TRAPPC10: variants seen among roughly 807,000 people sequenced by gnomAD.
TRAPPC10 encodes the protein trafficking protein particle complex subunit 10.
A neutral mutation model predicts 125.5 loss-of-function variants in TRAPPC10; 23 were observed. That is an observed-to-expected ratio of 0.18 (90% CI 0.13 to 0.26). TRAPPC10 has a LOEUF of 0.26. TRAPPC10 is among the 10% of genes least tolerant of loss of function. The pLI is 1.00. For missense variants in TRAPPC10, 1,123 were observed against 1,308.4 expected (o/e 0.86, Z 2.19); for synonymous variants, 509 against 518.0 (o/e 0.98, Z 0.24).
chr21:44,090,783 C>A (rs1168966057), intron 18 of TRAPPC10, among the ~76,000 whole-genome samples: 1 of 152,182 alleles, frequency 6.6e-6, no homozygotes, highest in Non-Finnish European at 1.5e-5. Flanking sequence ...ACGTCAGACC[C>A]ATGTTTAGAA....
In TRAPPC10 at chr21:44,087,839, G is replaced by A. The variant is rs1321238294; in HGVS notation, c.2680G>A (p.Glu894Lys). Reference protein sequence around the residue: ...SLPSAPALGGESDMLGMAEPH... With the variant: ...SLPSAPALGGKSDMLGMAEPH... ...ACCTTCAGCCCCAGCACTCGGAGGG[G>A]AGAGTGACATGCTGGGGATGGCAGA... The change falls in exon 17 of 23, where the codon GAG becomes AAG. Residue 894 changes from glutamate (E) to lysine (K), a missense_variant. Glu to Lys is a moderately conservative substitution (Grantham distance 56, BLOSUM62 1). Transcript: ENST00000291574. This position sits in a 1 kb window ranked among gnomAD's most constrained non-coding sequence, Gnocchi z 4.6. 1.2e-6 allele frequency: 2 copies of A among 1,614,130 alleles called. No individual in the cohort carries two copies. Among genetic ancestry groups the A allele is most frequent in the Non-Finnish European group, 1.7e-6 (2 of 1,180,054 alleles).
Position 44,087,940 on chromosome 21 carries a change from C to T in TRAPPC10, c.2769+12C>T. 1.2e-6 allele frequency: 2 copies of T among 1,604,726 alleles called. No individual in the cohort carries two copies. The highest frequency in any genetic ancestry group is 1.7e-6 in the Non-Finnish European group (2 of 1,174,244). On this transcript the variant is annotated intron_variant, in intron 17 of 22. Coordinates refer to ENST00000291574, the MANE Select transcript of TRAPPC10 (RefSeq NM_003274.5). This position sits in a 1 kb window ranked among gnomAD's most constrained non-coding sequence, Gnocchi z 4.6. ...CCACAGACCACAAAGTGAGTAGGGACAGTGGAGGAGCTTAGCTTGTGGGGC... is the reference window on the plus strand; with the variant it reads ...CCACAGACCACAAAGTGAGTAGGGATAGTGGAGGAGCTTAGCTTGTGGGGC...
chr21:44,069,773 G>A (rs893333954), intron 7 of TRAPPC10, among the ~76,000 whole-genome samples: 1 of 152,316 alleles, frequency 6.6e-6, no homozygotes, highest in South Asian at 2.1e-4. Context: ...TCCAAGGGAT[G>A]ACAACGTTGC....
chr21:44,085,256 A>G (rs988977561), intron 15 of TRAPPC10, among the ~76,000 whole-genome samples: 1 of 152,060 alleles, frequency 6.6e-6, no homozygotes, highest in Non-Finnish European at 1.5e-5. Context: ...TGGAGATTCT[A>G]AGGAATTTGG....
At chr21:44,051,516 G>T (rs563859851) in intron 3 of TRAPPC10, among the ~76,000 whole-genome samples, 1 of 152,178 alleles carries the variant, frequency 6.6e-6, no homozygotes, top group Non-Finnish European at 1.5e-5. Flanking sequence ...TGTTTTCCTG[G>T]TTCTTTATGG....
At chr21:44,051,751 G>A (rs1260098674) in intron 3 of TRAPPC10, among the ~76,000 whole-genome samples, 4 of 152,224 alleles carry the variant, frequency 2.6e-5, no homozygotes, top group South Asian at 2.1e-4. Context: ...GCAGACTTGC[G>A]GTTGGGGTGG....
chr21:44,016,852 G>A (rs1163733623), intron 1 of TRAPPC10, among the ~76,000 whole-genome samples: 4 of 152,118 alleles, frequency 2.6e-5, no homozygotes, highest in Non-Finnish European at 5.9e-5. Context: ...TAGAGACGGG[G>A]TTTCACCGTG....
In TRAPPC10 at chr21:44,082,945, C is replaced by T; in HGVS notation, c.1881C>T (p.Val627=). ...CTGTTCACGTGGAGCAGATTGTGGT[C>T]AATGTCCACTTCAGCATTGAGAAAA... ...PVPVHVEQIV[V]NVHFSIEKNS... The change falls in exon 14 of 23, where the codon GTC becomes GTT. Residue 627 remains valine, a synonymous_variant. Coordinates refer to ENST00000291574, the MANE Select transcript of TRAPPC10 (RefSeq NM_003274.5). This position sits in a 1 kb window ranked among gnomAD's most constrained non-coding sequence, Gnocchi z 4.4. 6.2e-7 allele frequency: 1 copy of T among 1,613,986 alleles called. No individual in the cohort carries two copies. The highest frequency in any genetic ancestry group is 8.5e-7 in the Non-Finnish European group (1 of 1,180,012).
intron 15 of TRAPPC10, among the ~76,000 whole-genome samples, chr21:44,086,553 T>C (rs2038148720): frequency 6.6e-6 from 1 of 152,186 alleles, no homozygotes; most frequent in Admixed American, 6.5e-5. Context: ...TGAACCAAGA[T>C]GGGTATAAGA....
chr21:44,067,383 G>A (rs1431889791), intron 7 of TRAPPC10, among the ~76,000 whole-genome samples: 3 of 152,138 alleles, frequency 2.0e-5, no homozygotes, highest in Admixed American at 6.5e-5. Flanking sequence ...CAGTGTACCC[G>A]ACACCCTGCT....
intron 7 of TRAPPC10, among the ~76,000 whole-genome samples, chr21:44,073,757 C>A (rs1274292628): frequency 1.3e-5 from 2 of 152,184 alleles, no homozygotes; most frequent in East Asian, 3.9e-4. Flanking sequence ...TTTTCCCAAA[C>A]ATAAATATAC....
At chr21:44,077,517 G>A (rs1450069611) in intron 10 of TRAPPC10, among the ~76,000 whole-genome samples, 176 bp from the exon 11 acceptor site, 7 of 152,192 alleles carry the variant, frequency 4.6e-5, no homozygotes, top group Non-Finnish European at 7.3e-5. Flanking sequence ...CCTATGAGGC[G>A]GAGGTTGCAG....
rs11909898 is a variant in TRAPPC10 at position 44,018,372 on chromosome 21, G to C, written c.67+5812G>C. Among the ~76,000 whole-genome samples, 576 of 141,942 alleles carry C rather than the reference G, an allele frequency of 4.1e-3. 5 individuals are homozygous for C. The highest frequency in any genetic ancestry group is 0.017 in the African/African-American group (538 of 32,078). The allele number at this position is 141,942 out of a possible 152,430, so 93.1% of individuals were successfully genotyped here. ...GTGATCTGTGATTGTACCTCACACT[G>C]CAACCTGGGTGACAGAGCAAGACCT... On this transcript the variant is annotated intron_variant, in intron 1 of 22. Transcript: ENST00000291574.
chr21:44,046,015 A>G (rs2034778337), intron 3 of TRAPPC10, among the ~76,000 whole-genome samples: 1 of 151,696 alleles, frequency 6.6e-6, no homozygotes, highest in Non-Finnish European at 1.5e-5. Flanking sequence ...ACCGGAGAGG[A>G]AATCATGTTT....
At chr21:44,092,260 T>C (rs2038637289) in intron 19 of TRAPPC10, among the ~76,000 whole-genome samples, 1 of 152,224 alleles carries the variant, frequency 6.6e-6, no homozygotes. Context: ...TTCTTCTTTT[T>C]AGAAGAATTA....
chr21:44,049,975 G>C (rs2035126113), intron 3 of TRAPPC10, among the ~76,000 whole-genome samples: 1 of 151,828 alleles, frequency 6.6e-6, no homozygotes, highest in African/African-American at 2.4e-5. Flanking sequence ...CGCCTCCCAG[G>C]TTCATACAAT....
chr21:44,078,482 A>G (rs1329424542), intron 11 of TRAPPC10, among the ~76,000 whole-genome samples: 1 of 151,884 alleles, frequency 6.6e-6, no homozygotes, highest in African/African-American at 2.4e-5. Flanking sequence ...AGATCTTGAA[A>G]TCTGTACTCA....
chr21:44,026,240 C>G (rs571396758), intron 1 of TRAPPC10, among the ~76,000 whole-genome samples: 50 of 152,160 alleles, frequency 3.3e-4, no homozygotes, highest in African/African-American at 1.1e-3. Context: ...AGGCTTTTCA[C>G]GGACAGATAC....
intron 1 of TRAPPC10, among the ~76,000 whole-genome samples, chr21:44,013,022 G>T (rs1472925401): frequency 6.6e-6 from 1 of 152,218 alleles, no homozygotes; most frequent in Non-Finnish European, 1.5e-5. Context: ...GGCGAAGTAG[G>T]AACAGTTTGT....
Sources: allele counts gnomAD v4.1 joint callset (sites outside exome capture counted in the v4.1 genomes callset), GRCh38; gene constraint gnomAD v4.1.1; non-coding constraint Gnocchi (gnomAD v3.1); transcripts MANE v1.5; gene names NCBI Gene and HGNC (gene_info 2026-07-23, HGNC 2026-07-21).